Variants in CCSER1 observed in about 807,000 individuals in gnomAD.
CCSER1 encodes serine-rich coiled-coil domain-containing protein 1.
A neutral mutation model predicts 82.0 loss-of-function variants in CCSER1; 41 were observed. The observed-to-expected ratio is 0.50, with a 90% confidence interval of 0.39 to 0.65. The LOEUF (loss-of-function observed/expected upper bound fraction) is 0.65. Ranked by LOEUF, CCSER1 falls within the 30% of genes least tolerant of loss-of-function variation. The probability of loss-of-function intolerance (pLI) is 0.00; values close to 1 mark genes in which losing one functional copy is unlikely to be tolerated. For synonymous variants in CCSER1, 414 were observed against 383.9 expected, an observed-to-expected ratio of 1.08 and a Z score of -0.92; for missense variants, 1,119 against 1,064.2, an observed-to-expected ratio of 1.05 and a Z score of -0.72.
At chr4:90,154,127 A>G (rs1286203988) in intron 1 of CCSER1, among the ~76,000 whole-genome samples, 2 of 152,192 alleles carry the variant, frequency 1.3e-5, no homozygotes, top group Non-Finnish European at 2.9e-5. Flanking sequence ...CCATTTATTA[A>G]ATAGGGAATC....
chr4:90,766,720 C>A (rs1255655477), intron 7 of CCSER1, among the ~76,000 whole-genome samples: 1 of 152,120 alleles, frequency 6.6e-6, no homozygotes, highest in Non-Finnish European at 1.5e-5. Context: ...TTTATTCACA[C>A]ACATAATTTA....
At chr4:90,143,838 C>T (rs1051533966) in intron 1 of CCSER1, among the ~76,000 whole-genome samples, 5 of 151,884 alleles carry the variant, frequency 3.3e-5, no homozygotes, top group African/African-American at 1.2e-4. Flanking sequence ...GCATGTGTCA[C>T]CATACCCAAG....
intron 5 of CCSER1, among the ~76,000 whole-genome samples, chr4:90,507,432 CAGTT>C (rs1363952804): frequency 6.6e-6 from 1 of 151,628 alleles, no homozygotes; most frequent in African/African-American, 2.4e-5. Context: ...CAAACTGTGA[CAGTT>C]AATCTCTGTG....
chr4:90,500,477 G>A lies in CCSER1; in HGVS notation c.1724+32123G>A, dbSNP rs554861848. ...CCCCTGAGTAGCTGGAATTACACAC[G>A]TGTGCCACCACGCCCAGCTAATTTT... On this transcript the variant is annotated intron_variant, in intron 5 of 10. Transcript: ENST00000509176. Among the ~76,000 whole-genome samples, 7 of 152,006 alleles carry A rather than the reference G, an allele frequency of 4.6e-5. No homozygotes were observed. In the East Asian group the frequency reaches 1.2e-3, roughly 25 times the overall value.
chr4:90,763,922 C>G (rs11930189), intron 7 of CCSER1, among the ~76,000 whole-genome samples: 49,335 of 152,002 alleles, frequency 0.32, 9,099 homozygotes, highest in African/African-American at 0.51. Context: ...TTCCGGTGTC[C>G]TCTGCATTAG....
intron 9 of CCSER1, among the ~76,000 whole-genome samples, chr4:90,981,641 AAAG>A (rs1190085592): frequency 2.0e-5 from 3 of 151,852 alleles, no homozygotes; most frequent in Non-Finnish European, 4.4e-5. Flanking sequence ...TGAGTATTTC[AAAG>A]AATACTTAAA....
intron 7 of CCSER1, among the ~76,000 whole-genome samples, chr4:90,731,485 G>A (rs1744734868): frequency 6.6e-6 from 1 of 152,116 alleles, no homozygotes; most frequent in African/African-American, 2.4e-5. Context: ...ATTTGTGGTG[G>A]ATGCTGATAA....
chr4:91,578,603 T>A (rs2110305068), intron 10 of CCSER1, among the ~76,000 whole-genome samples: 1 of 152,100 alleles, frequency 6.6e-6, no homozygotes, highest in Admixed American at 6.6e-5. Context: ...AACATAAATT[T>A]AATTTTTTAA....
chr4:90,753,072 T>A (rs1285051311), intron 7 of CCSER1, among the ~76,000 whole-genome samples: 1 of 152,172 alleles, frequency 6.6e-6, no homozygotes, highest in Non-Finnish European at 1.5e-5. Context: ...GCACTGCACA[T>A]GATGTGAGAG....
chr4:91,465,308 G>C (rs1233659581), intron 10 of CCSER1, among the ~76,000 whole-genome samples: 2 of 152,098 alleles, frequency 1.3e-5, no homozygotes, highest in South Asian at 2.1e-4. Flanking sequence ...TGAAATCAAT[G>C]GGAACAAGGA....
intron 5 of CCSER1, among the ~76,000 whole-genome samples, chr4:90,610,863 C>T (rs1785375489): frequency 6.6e-6 from 1 of 151,800 alleles, no homozygotes; most frequent in Non-Finnish European, 1.5e-5. Context: ...AGATTGCCAT[C>T]AGTTGATATT....
Position 90,460,381 on chromosome 4 carries a change from A to G in CCSER1, c.1604-7853A>G, listed in dbSNP as rs553779503. Among the ~76,000 whole-genome samples, 15 of 151,136 alleles carry G rather than the reference A, an allele frequency of 9.9e-5. No individual in the cohort carries two copies. In the East Asian group the frequency reaches 2.9e-3, roughly 29 times the overall value. The stretch of plus-strand genomic sequence containing the variant: ...AAAAAAACTGAGATTAAATGGGTCA[A>G]AAATATGCAATTTCAATTATAATAG... On this transcript the variant is annotated intron_variant, in intron 4 of 10. Transcript: ENST00000509176.
At chr4:90,342,899 A>AT (rs1741662999) in intron 3 of CCSER1, among the ~76,000 whole-genome samples, 2 of 151,340 alleles carry the variant, frequency 1.3e-5, no homozygotes, top group African/African-American at 2.4e-5. Context: ...ATTTTTTAAG[A>AT]TTTTTTCTTA....
intron 1 of CCSER1, among the ~76,000 whole-genome samples, chr4:90,181,864 T>C (rs1378050778): frequency 6.6e-6 from 1 of 152,164 alleles, no homozygotes; most frequent in East Asian, 1.9e-4. Flanking sequence ...TGCCCAGTCC[T>C]CTGAGAGTGT....
rs1378113958 is a variant in CCSER1, at chr4:91,604,450, G to A, written c.*5393G>A. On this transcript the variant is annotated 3_prime_UTR_variant, in exon 11 of 11. Transcript: ENST00000509176. The stretch of plus-strand genomic sequence containing the variant: ...TCAGAGGGCATCTCTTCTATTTCAA[G>A]GTTACCTCCCAGAAAAACTGACATT... 4 of 152,012 alleles carry A rather than the reference G, an allele frequency of 2.6e-5. No individual in the cohort carries two copies. The highest frequency in any genetic ancestry group is 2.6e-4 in the Admixed American group (4 of 15,238). 9.4% of individuals were successfully genotyped at this position (152,012 alleles called of 1,614,324 possible).
At chr4:90,297,050 G>A (rs969653849) in intron 1 of CCSER1, among the ~76,000 whole-genome samples, 5 of 151,850 alleles carry the variant, frequency 3.3e-5, no homozygotes, top group Non-Finnish European at 7.4e-5. Flanking sequence ...GTAGCTTGAT[G>A]GGGATGGCAT....
intron 10 of CCSER1, among the ~76,000 whole-genome samples, chr4:91,466,678 G>T (rs990661713): frequency 3.3e-5 from 5 of 152,102 alleles, no homozygotes; most frequent in African/African-American, 4.8e-5. Context: ...AAATCAATGT[G>T]CAAAAATCAC....
intron 5 of CCSER1, among the ~76,000 whole-genome samples, chr4:90,556,672 G>T (rs961946603): frequency 1.3e-5 from 2 of 151,848 alleles, no homozygotes; most frequent in Non-Finnish European, 2.9e-5. Flanking sequence ...ATAAGGAAGA[G>T]AAATATATTT....
At chr4:91,139,570 G>C (rs1299385152) in intron 10 of CCSER1, among the ~76,000 whole-genome samples, 1 of 152,138 alleles carries the variant, frequency 6.6e-6, no homozygotes, top group African/African-American at 2.4e-5. Flanking sequence ...ATTGTAGTTA[G>C]GAACTTTGCA....
Sources: allele counts gnomAD v4.1 joint callset (sites outside exome capture counted in the v4.1 genomes callset), GRCh38; gene constraint gnomAD v4.1.1; transcripts MANE v1.5; gene names NCBI Gene and HGNC (gene_info 2026-07-23, HGNC 2026-07-21).